PIK3C2G: variants seen among roughly 807,000 people sequenced by gnomAD.
The protein encoded by PIK3C2G is phosphatidylinositol-4-phosphate 3-kinase catalytic subunit type 2 gamma, also known as phosphatidylinositol 3-kinase C2 domain-containing subunit gamma.
PIK3C2G carries 168 observed loss-of-function variants against 181.1 expected under a neutral mutation model. The observed-to-expected ratio is 0.93, with a 90% confidence interval of 0.82 to 1.05. The LOEUF (loss-of-function observed/expected upper bound fraction) is 1.05. PIK3C2G is among the 50% of genes least tolerant of loss of function. The pLI, the probability that PIK3C2G is intolerant of heterozygous loss-of-function variation, is 0.00. For missense variants in PIK3C2G, 1,869 were observed against 1,732.8 expected (o/e 1.08, Z -1.40); for synonymous variants, 573 against 592.2 (o/e 0.97, Z 0.47).
intron 5 of PIK3C2G, among the ~76,000 whole-genome samples, chr12:18,299,638 T>G (rs543878412): frequency 3.9e-5 from 6 of 152,156 alleles, no homozygotes; most frequent in South Asian, 2.1e-4. Flanking sequence ...AAGAAAAGAC[T>G]TTCAGCTTTT....
chr12:18,682,639 T>A, the PIK3C2G span, among the ~76,000 whole-genome samples: 1 of 152,026 alleles, frequency 6.6e-6, no homozygotes, highest in East Asian at 1.9e-4. Context: ...ACAGTAGATC[T>A]CTTTTATAGA....
intron 9 of PIK3C2G, among the ~76,000 whole-genome samples, chr12:18,339,774 G>A (rs934434516): frequency 2.0e-5 from 3 of 152,046 alleles, no homozygotes; most frequent in African/African-American, 7.2e-5. Flanking sequence ...GTAAAAAAAT[G>A]AATATAGAAA....
intron 2 of PIK3C2G, among the ~76,000 whole-genome samples, chr12:18,283,133 A>G (rs1203870145): frequency 3.3e-5 from 5 of 152,092 alleles, no homozygotes; most frequent in Non-Finnish European, 7.4e-5. Context: ...TCATTACATT[A>G]TATTTTGAGT....
intron 8 of PIK3C2G, among the ~76,000 whole-genome samples, chr12:18,325,631 C>A (rs181233283): frequency 6.6e-6 from 1 of 150,804 alleles, no homozygotes; most frequent in East Asian, 2.0e-4. Context: ...TAGCTTGAAC[C>A]CGGGAGGTGG....
intron 30 of PIK3C2G, among the ~76,000 whole-genome samples, chr12:18,597,405 CAA>C (rs1947430263): frequency 6.6e-6 from 1 of 151,944 alleles, no homozygotes; most frequent in Non-Finnish European, 1.5e-5. Context: ...AATTACTTAG[CAA>C]AAGACTTTCT....
At chr12:18,554,847 C>T (rs1467550173) in intron 26 of PIK3C2G, among the ~76,000 whole-genome samples, 10 of 151,962 alleles carry the variant, frequency 6.6e-5, no homozygotes, top group African/African-American at 2.2e-4. Flanking sequence ...TTCATTGTTC[C>T]CCTTGAATGA....
chr12:18,372,441 T>C (rs1342286717), intron 13 of PIK3C2G: 3 of 152,198 alleles, frequency 2.0e-5, no homozygotes, highest in Non-Finnish European at 4.4e-5. Context: ...TCAAGGTCTA[T>C]AAGAAACAGT....
chr12:18,381,850 TG>T lies in PIK3C2G; in HGVS notation c.1966del (p.Val656Ter). On this transcript the variant is annotated frameshift_variant, in exon 14 of 33. Coordinates refer to ENST00000538779, the MANE Select transcript of PIK3C2G (RefSeq NM_001288772.2). LOFTEE classifies it high-confidence loss of function. ...AAATGATAACTCCAGGAGTGTGGGA[TG>T]TAAGTCAGCCATCCCCGGTGACCCT... ...VEMITPGVWD[V>X]SQPSPVTLQI... 6.2e-7 allele frequency: 1 copy of T among 1,613,150 alleles called. No homozygotes were observed. Among genetic ancestry groups the T allele is most frequent in the Non-Finnish European group, 8.5e-7 (1 of 1,179,140 alleles).
At chr12:18,550,663 T>C (rs1423367050) in intron 26 of PIK3C2G, among the ~76,000 whole-genome samples, 1 of 152,096 alleles carries the variant, frequency 6.6e-6, no homozygotes, top group Non-Finnish European at 1.5e-5. Flanking sequence ...AACTCCTTGT[T>C]CTTTTTATTT....
At chr12:18,479,582 G>T (rs1404185259) in intron 18 of PIK3C2G, among the ~76,000 whole-genome samples, 1 of 152,140 alleles carries the variant, frequency 6.6e-6, no homozygotes, top group Non-Finnish European at 1.5e-5. Context: ...CAGAGTAAAT[G>T]CTTGATAATT....
chr12:18,566,297 A>G (rs1263883108), intron 28 of PIK3C2G, among the ~76,000 whole-genome samples: 1 of 152,134 alleles, frequency 6.6e-6, no homozygotes, highest in Admixed American at 6.6e-5. Flanking sequence ...GTATGATTGG[A>G]GTCAGAGGAG....
At chr12:18,308,888 T>C (rs1419690416) in intron 5 of PIK3C2G, among the ~76,000 whole-genome samples, 7 of 151,860 alleles carry the variant, frequency 4.6e-5, no homozygotes, top group African/African-American at 1.7e-4. Flanking sequence ...TGTAGCACTG[T>C]TATGTGTTTA....
At chr12:18,713,113 A>G in the PIK3C2G span, 3 of 1,284,436 alleles carry the variant, frequency 2.3e-6, no homozygotes, top group Non-Finnish European at 3.2e-6. Flanking sequence ...AAAACTCTAT[A>G]AAAACTTGTC....
intron 1 of PIK3C2G, among the ~76,000 whole-genome samples, chr12:18,279,175 C>G (rs1220664786): frequency 6.6e-6 from 1 of 151,994 alleles, no homozygotes; most frequent in Non-Finnish European, 1.5e-5. Flanking sequence ...CCTTTAATCC[C>G]TGCTTATAAT....
the PIK3C2G span, among the ~76,000 whole-genome samples, chr12:18,707,105 G>T: frequency 5.9e-5 from 9 of 152,240 alleles, no homozygotes; most frequent in South Asian, 1.7e-3. Flanking sequence ...CCTTATGATG[G>T]TGTTCAGCGC....
intron 11 of PIK3C2G, among the ~76,000 whole-genome samples, chr12:18,356,608 A>G (rs1940758679): frequency 1.3e-5 from 2 of 152,082 alleles, no homozygotes; most frequent in Non-Finnish European, 2.9e-5. Flanking sequence ...GGTCACATGA[A>G]CAAATTGAAG....
At chr12:18,623,281 CA>C (rs1438253238) in intron 31 of PIK3C2G, among the ~76,000 whole-genome samples, 4 of 151,760 alleles carry the variant, frequency 2.6e-5, no homozygotes, top group African/African-American at 9.7e-5. Context: ...ATTTTTCCAA[CA>C]CCATTAATTA....
chr12:18,325,196 G>T, intron 8 of PIK3C2G, 98 bp downstream of exon 8: 1 of 541,872 alleles, frequency 1.8e-6, no homozygotes, highest in South Asian at 2.9e-5. Flanking sequence ...TGACAAAAAT[G>T]AATAAAACAG....
At chr12:18,274,246 A>C (rs866444855) in intron 1 of PIK3C2G, among the ~76,000 whole-genome samples, 1 of 152,128 alleles carries the variant, frequency 6.6e-6, no homozygotes, top group African/African-American at 2.4e-5. Flanking sequence ...TCAGTGTGGC[A>C]ATTCCTCAGA....
Sources: allele counts gnomAD v4.1 joint callset (sites outside exome capture counted in the v4.1 genomes callset), GRCh38; gene constraint gnomAD v4.1.1; transcripts MANE v1.5; gene names NCBI Gene and HGNC (gene_info 2026-07-23, HGNC 2026-07-21).